The following UBE2L3 variants were observed in gnomAD, a reference collection of about 807,000 sequenced individuals.
UBE2L3 encodes ubiquitin conjugating enzyme E2 L3.
In UBE2L3, 1 loss-of-function variant was observed where a neutral mutation model predicts 17.8. The ratio of observed to expected loss-of-function variants is 0.06; its 90% confidence interval spans 0.02 to 0.27. UBE2L3 has a LOEUF of 0.27. Among genes scored for constraint, UBE2L3 ranks in the 10% least tolerant of loss-of-function variants. The pLI is 1.00. For synonymous variants in UBE2L3, 44 were observed against 68.5 expected, an observed-to-expected ratio of 0.64 and a Z score of 1.76; for missense variants, 40 against 192.6, an observed-to-expected ratio of 0.21 and a Z score of 4.69.
chr22:21,614,450 A>T, intron 3 of UBE2L3: 1 of 584,536 alleles, frequency 1.7e-6, no homozygotes, highest in Non-Finnish European at 2.9e-6. Context: ...AGAAAGAAAG[A>T]AAGGGAAAAA....
chr22:21,589,827 A>C (rs750773381), intron 1 of UBE2L3, among the ~76,000 whole-genome samples: 2 of 152,156 alleles, frequency 1.3e-5, no homozygotes, highest in Non-Finnish European at 2.9e-5. Context: ...TGGAGAGCTT[A>C]ACTTGACGGC....
chr22:21,586,085 A>G (rs1927919712), intron 1 of UBE2L3, among the ~76,000 whole-genome samples: 1 of 151,938 alleles, frequency 6.6e-6, no homozygotes, highest in Admixed American at 6.6e-5. Context: ...ACAGGCATAC[A>G]TCAACACACC....
intron 2 of UBE2L3, among the ~76,000 whole-genome samples, chr22:21,598,463 G>A (rs546707015): frequency 6.7e-6 from 1 of 148,210 alleles, no homozygotes; most frequent in African/African-American, 2.5e-5. Flanking sequence ...TAGAGAGTAC[G>A]TTTAATTTCC....
chr22:21,557,382 C>T (rs566133730), intron 1 of UBE2L3, among the ~76,000 whole-genome samples: 36 of 152,254 alleles, frequency 2.4e-4, no homozygotes, highest in Middle Eastern at 3.4e-3. Context: ...ACCAAAAAAA[C>T]GAAAAACCCA....
chr22:21,586,234 C>T (rs1927927256), intron 1 of UBE2L3, among the ~76,000 whole-genome samples: 1 of 152,062 alleles, frequency 6.6e-6, no homozygotes, highest in Non-Finnish European at 1.5e-5. Flanking sequence ...AGCCACCGCC[C>T]CTGGCTCCTG....
chr22:21,616,117 G>C (rs764384630), intron 3 of UBE2L3, among the ~76,000 whole-genome samples: 21 of 152,194 alleles, frequency 1.4e-4, no homozygotes, highest in Non-Finnish European at 3.1e-4. Flanking sequence ...TGGCAAAAAT[G>C]TGAGCAGAGG....
intron 2 of UBE2L3, among the ~76,000 whole-genome samples, chr22:21,593,178 C>G (rs2266963): frequency 0.19 from 28,384 of 152,000 alleles, 3,471 homozygotes; most frequent in East Asian, 0.41. Flanking sequence ...GAGTCCTGAG[C>G]TTTGCAGATC....
rs1928174367 is a variant in UBE2L3 at position 21,590,074 on chromosome 22, C to T, written c.28-2787C>T. On this transcript the variant is annotated intron_variant, in intron 1 of 3. Coordinates refer to ENST00000342192, the MANE Select transcript of UBE2L3 (RefSeq NM_003347.4). Reference sequence around the variant, plus strand: ...CCTTAGTGCTCCTCACTGACTGCTTCCTCTCCTTTTTCTTGAGCAAGATAC... The same window carrying T: ...CCTTAGTGCTCCTCACTGACTGCTTTCTCTCCTTTTTCTTGAGCAAGATAC... Among the ~76,000 whole-genome samples, 3 of 152,178 alleles carry T rather than the reference C, an allele frequency of 2.0e-5. No individual in the cohort carries two copies. The South Asian group carries it at 6.2e-4, about 31-fold the overall frequency.
At chr22:21,571,162 C>T (rs1217848264) in intron 1 of UBE2L3, among the ~76,000 whole-genome samples, 1 of 152,186 alleles carries the variant, frequency 6.6e-6, no homozygotes, top group African/African-American at 2.4e-5. Context: ...GCTAATTTAG[C>T]ATTGTTGGCT....
At chr22:21,596,873 C>T (rs1014867531) in intron 2 of UBE2L3, among the ~76,000 whole-genome samples, 2 of 152,064 alleles carry the variant, frequency 1.3e-5, no homozygotes. Flanking sequence ...TTTGTTTTTA[C>T]GTTACAGCCA....
At chr22:21,593,045 C>CG (rs1297733237) in intron 2 of UBE2L3, 89 bp downstream of exon 2, 2 of 1,149,642 alleles carry the variant, frequency 1.7e-6, no homozygotes, top group Non-Finnish European at 2.6e-6. Context: ...CCTTAGTAGG[C>CG]TCTTAGTCTA....
At chr22:21,568,508 T>C (rs2148397635) in intron 1 of UBE2L3, 1 of 879,032 alleles carries the variant, frequency 1.1e-6, no homozygotes, top group East Asian at 1.2e-4. Context: ...TAACGGTTGA[T>C]TTCAGTCGTT....
chr22:21,575,117 G>A (rs939387683), intron 1 of UBE2L3, among the ~76,000 whole-genome samples: 2 of 151,218 alleles, frequency 1.3e-5, no homozygotes, highest in African/African-American at 2.4e-5. Context: ...AAATTAGCTG[G>A]GTGTGGTGGC....
In UBE2L3 at chr22:21,623,071, C is replaced by G. The variant is rs1396708060; in HGVS notation, c.*1402C>G. On this transcript the variant is annotated 3_prime_UTR_variant, in exon 4 of 4. Coordinates refer to ENST00000342192, the MANE Select transcript of UBE2L3 (RefSeq NM_003347.4). The stretch of plus-strand genomic sequence containing the variant: ...ATCCAAATGCCGTGTGTCACCAACC[C>G]CGCTTCTGCCACTGGCGGCTTCCCT... 2.6e-5 allele frequency: 4 copies of G among 152,368 alleles called. No individual in the cohort carries two copies. The highest frequency in any genetic ancestry group is 9.6e-5 in the African/African-American group (4 of 41,462). The allele number at this position is 152,368 out of a possible 1,614,324, so 9.4% of individuals were successfully genotyped here. A position where few individuals can be genotyped will look rare whatever the true frequency, so the allele number is the denominator to read the frequency against.
intron 1 of UBE2L3, among the ~76,000 whole-genome samples, chr22:21,580,972 T>G (rs1221600326): frequency 2.7e-5 from 4 of 150,874 alleles, no homozygotes; most frequent in Admixed American, 2.6e-4. Context: ...CATTATAACC[T>G]CGAATTCCTG....
chr22:21,556,534 A>C (rs1926231758), intron 1 of UBE2L3, among the ~76,000 whole-genome samples: 1 of 152,174 alleles, frequency 6.6e-6, no homozygotes, highest in Non-Finnish European at 1.5e-5. Context: ...GACTTAAGCA[A>C]TCCTCTCACT....
intron 2 of UBE2L3, among the ~76,000 whole-genome samples, chr22:21,603,314 G>T (rs1267129394): frequency 6.6e-6 from 1 of 151,868 alleles, no homozygotes; most frequent in East Asian, 1.9e-4. Flanking sequence ...GATCACCTGA[G>T]GTCAGGAGTT....
chr22:21,588,499 A>T lies in UBE2L3; in HGVS notation c.28-4362A>T, dbSNP rs1928075081. On this transcript the variant is annotated intron_variant, in intron 1 of 3. Coordinates refer to ENST00000342192, the MANE Select transcript of UBE2L3 (RefSeq NM_003347.4). ...TTTTTTTTTTTTGAGATAGGGTCTC[A>T]CTCTAGTTGCCCTGGCTGGAGTGCA... Among the ~76,000 whole-genome samples, 4 of 118,990 alleles carry T rather than the reference A, an allele frequency of 3.4e-5. No homozygotes were observed. The South Asian group carries it at 1.0e-3, about 30-fold the overall frequency. 78.1% of individuals were successfully genotyped at this position (118,990 alleles called of 152,430 possible). A position where few individuals can be genotyped will look rare whatever the true frequency, so the allele number is the denominator to read the frequency against.
intron 1 of UBE2L3, among the ~76,000 whole-genome samples, chr22:21,571,292 C>A (rs1194773202): frequency 6.6e-6 from 1 of 152,210 alleles, no homozygotes; most frequent in Non-Finnish European, 1.5e-5. Flanking sequence ...TTTGCAGCTT[C>A]ACACTGCACA....
Sources: gnomAD v4.1 joint callset for allele counts (sites outside exome capture counted in the v4.1 genomes callset) on GRCh38, gnomAD v4.1.1 for gene constraint, MANE v1.5 for transcripts, NCBI Gene and HGNC (gene_info 2026-07-23, HGNC 2026-07-21) for gene names.